FYB1: variants seen among roughly 807,000 people sequenced by gnomAD.
FYB1 encodes FYN binding protein 1.
FYB1 carries 41 observed loss-of-function variants against 94.1 expected under a neutral mutation model. That is an observed-to-expected ratio of 0.44 (90% CI 0.34 to 0.57). The LOEUF is 0.57. FYB1 is among the 20% of genes least tolerant of loss of function. The pLI is 0.02. For missense variants in FYB1, 1,050 were observed against 976.8 expected, an observed-to-expected ratio of 1.07 and a Z score of -1.00; for synonymous variants, 367 against 353.2, an observed-to-expected ratio of 1.04 and a Z score of -0.44.
At chr5:39,181,672 C>G (rs1471602548) in intron 2 of FYB1, among the ~76,000 whole-genome samples, 13 of 152,188 alleles carry the variant, frequency 8.5e-5, no homozygotes, top group Non-Finnish European at 5.9e-5. Context: ...TGGTCACTCT[C>G]TCAAAACCTG....
At chr5:39,269,393 T>C (rs1027152913) in intron 1 of FYB1, among the ~76,000 whole-genome samples, 4 of 152,170 alleles carry the variant, frequency 2.6e-5, no homozygotes, top group Non-Finnish European at 5.9e-5. Context: ...AAGACCAAAC[T>C]TGGAAACGTA....
At chr5:39,261,213 G>T (rs1752192737) in intron 1 of FYB1, among the ~76,000 whole-genome samples, 2 of 151,588 alleles carry the variant, frequency 1.3e-5, no homozygotes, top group Non-Finnish European at 2.9e-5. Flanking sequence ...TAGAGGATGG[G>T]TCAATAGGTG....
At chr5:39,226,728 C>T (rs1750487577) in intron 1 of FYB1, among the ~76,000 whole-genome samples, 1 of 152,028 alleles carries the variant, frequency 6.6e-6, no homozygotes, top group African/African-American at 2.4e-5. Flanking sequence ...CTTTAGTGTT[C>T]ATAAAAATAA....
Position 39,135,553 on chromosome 5 carries a change from T to C in FYB1, c.1516-539A>G, listed in dbSNP as rs557325331. 4.6e-5 allele frequency among the ~76,000 whole-genome samples: 7 copies of C among 152,346 alleles called. No individual in the cohort carries two copies. The East Asian group carries it at 1.2e-3, about 25-fold the overall frequency. On this transcript the variant is annotated intron_variant, in intron 7 of 18. Transcript: ENST00000512982. ...TCTGAACAGTATGGTGGCTTATTGA[T>C]AGAAGGATAATGATGTTGGTTAGAC...
chr5:39,141,198 A>G (rs535001940), intron 3 of FYB1, 57 bp from the exon 4 acceptor site: 40 of 1,114,510 alleles, frequency 3.6e-5, no homozygotes, highest in African/African-American at 2.5e-4. Context: ...TCACCTTACA[A>G]TGAAAAAGGG....
intron 2 of FYB1, among the ~76,000 whole-genome samples, chr5:39,157,398 C>T (rs1743853326): frequency 6.6e-6 from 1 of 152,076 alleles, no homozygotes; most frequent in African/African-American, 2.4e-5. Context: ...GTAAGGCTCA[C>T]ATATCGGGGT....
intron 2 of FYB1, among the ~76,000 whole-genome samples, chr5:39,188,690 C>T (rs1033344769): frequency 1.3e-5 from 2 of 151,992 alleles, no homozygotes; most frequent in African/African-American, 4.8e-5. Context: ...TGCCACCACG[C>T]CCGGCTAATT....
At chr5:39,248,582 T>C (rs967465233) in intron 1 of FYB1, among the ~76,000 whole-genome samples, 2 of 152,184 alleles carry the variant, frequency 1.3e-5, no homozygotes, top group Non-Finnish European at 2.9e-5. Context: ...TTCAATACTG[T>C]AATCCCAGCA....
At chr5:39,187,411 G>A (rs1746927456) in intron 2 of FYB1, among the ~76,000 whole-genome samples, 1 of 152,178 alleles carries the variant, frequency 6.6e-6, no homozygotes, top group Non-Finnish European at 1.5e-5. Flanking sequence ...CTAATTTCTT[G>A]TAAGTACCGT....
chr5:39,209,890 T>A (rs373151482), intron 1 of FYB1, among the ~76,000 whole-genome samples: 1 of 152,254 alleles, frequency 6.6e-6, no homozygotes, highest in African/African-American at 2.4e-5. Context: ...AGCTCCTTTG[T>A]TGACCTGCAG....
chr5:39,191,323 A>G (rs1747339358), intron 2 of FYB1, among the ~76,000 whole-genome samples: 3 of 152,190 alleles, frequency 2.0e-5, no homozygotes, highest in Admixed American at 2.0e-4. Flanking sequence ...CTGGAAACAC[A>G]CAGGCTCTGT....
intron 3 of FYB1, among the ~76,000 whole-genome samples, chr5:39,146,652 A>T (rs147467951): frequency 1.3e-5 from 2 of 152,286 alleles, no homozygotes; most frequent in East Asian, 3.9e-4. Context: ...AATAACAAAT[A>T]CTTCTAAAAG....
intron 1 of FYB1, among the ~76,000 whole-genome samples, chr5:39,258,360 A>T (rs1752057981): frequency 6.6e-6 from 1 of 152,072 alleles, no homozygotes; most frequent in Non-Finnish European, 1.5e-5. Flanking sequence ...AGCACTTTGG[A>T]AGGCTGAGGT....
chr5:39,206,878 C>T (rs1324725090), intron 1 of FYB1, among the ~76,000 whole-genome samples: 1 of 152,164 alleles, frequency 6.6e-6, no homozygotes, highest in Non-Finnish European at 1.5e-5. Flanking sequence ...TACTCTGCAC[C>T]TTGCCTTTTT....
At chr5:39,130,072 TAA>T (rs141150455) in intron 10 of FYB1, among the ~76,000 whole-genome samples, 77 of 146,600 alleles carry the variant, frequency 5.3e-4, no homozygotes, top group Middle Eastern at 6.9e-3. Flanking sequence ...TATTTGGTCA[TAA>T]AAAAAAAAGA....
At chr5:39,245,442 C>A (rs1579774264) in intron 1 of FYB1, among the ~76,000 whole-genome samples, 1 of 152,130 alleles carries the variant, frequency 6.6e-6, no homozygotes, top group East Asian at 1.9e-4. Flanking sequence ...TTCTTCTGAG[C>A]TTTTGAATGG....
chr5:39,198,493 A>G (rs1748023311), intron 2 of FYB1, among the ~76,000 whole-genome samples: 1 of 152,226 alleles, frequency 6.6e-6, no homozygotes, highest in Admixed American at 6.5e-5. Context: ...TGTACATATT[A>G]GTAATAATAT....
At chr5:39,238,474 A>C (rs192820259) in intron 1 of FYB1, among the ~76,000 whole-genome samples, 92 of 152,230 alleles carry the variant, frequency 6.0e-4, no homozygotes, top group Admixed American at 1.2e-3. Context: ...AGGTGAGATC[A>C]ATTTTTTTGC....
At chr5:39,207,946 T>C (rs1057027899) in intron 1 of FYB1, among the ~76,000 whole-genome samples, 12 of 152,186 alleles carry the variant, frequency 7.9e-5, no homozygotes, top group African/African-American at 2.9e-4. Context: ...ATGTGGATAG[T>C]GCCAAGATTG....
Sources: allele counts gnomAD v4.1 joint callset (sites outside exome capture counted in the v4.1 genomes callset), GRCh38; gene constraint gnomAD v4.1.1; transcripts MANE v1.5; gene names NCBI Gene and HGNC (gene_info 2026-07-23, HGNC 2026-07-21).